DLG2: variants seen among roughly 807,000 people sequenced by gnomAD.
The protein encoded by DLG2 is discs large MAGUK scaffold protein 2.
A neutral mutation model predicts 132.5 loss-of-function variants in DLG2; 45 were observed. The observed-to-expected ratio is 0.34, with a 90% CI of 0.27 to 0.44. DLG2 has a LOEUF of 0.44. Ranked by LOEUF, DLG2 falls within the 20% of genes least tolerant of loss-of-function variation. DLG2 has a pLI of 1.00. For synonymous variants in DLG2, 424 were observed against 419.6 expected (o/e 1.01, Z -0.13); for missense variants, 1,045 against 1,196.9 (o/e 0.87, Z 1.87).
At chr11:83,936,745 T>C (rs951769502) in intron 14 of DLG2, among the ~76,000 whole-genome samples, 1 of 152,134 alleles carries the variant, frequency 6.6e-6, no homozygotes, top group African/African-American at 2.4e-5. Context: ...CTCACGGCAG[T>C]GGGTTGTAAA....
intron 3 of DLG2, among the ~76,000 whole-genome samples, chr11:85,421,243 C>G (rs1043096953): frequency 1.3e-5 from 2 of 152,082 alleles, no homozygotes; most frequent in African/African-American, 2.4e-5. Context: ...CCTTGCATTT[C>G]CCTGCTTCAG....
intron 7 of DLG2, among the ~76,000 whole-genome samples, chr11:84,275,527 T>C (rs2097775989): frequency 6.6e-6 from 1 of 152,166 alleles, no homozygotes; most frequent in Admixed American, 6.5e-5. Flanking sequence ...GCTAATTGTT[T>C]TGTATTTTTA....
intron 2 of DLG2, among the ~76,000 whole-genome samples, chr11:85,616,673 TCTC>T (rs2081359268): frequency 6.6e-6 from 1 of 152,078 alleles, no homozygotes; most frequent in African/African-American, 2.4e-5. Context: ...GAAAGGGACT[TCTC>T]CTAGCCCCTT....
intron 19 of DLG2, among the ~76,000 whole-genome samples, chr11:83,557,740 G>T (rs1422586844): frequency 6.6e-6 from 1 of 152,174 alleles, no homozygotes; most frequent in African/African-American, 2.4e-5. Flanking sequence ...AAGAAAGCAG[G>T]TATTGAGTTT....
At position 84,251,243 on chromosome 11, in the gene DLG2, G is replaced by T; in HGVS notation, c.568C>A (p.Pro190Thr). 1.3e-6 allele frequency: 2 copies of T among 1,580,476 alleles called. No homozygotes were observed. The highest frequency in any genetic ancestry group is 2.3e-5 in the East Asian group (1 of 43,300). Reference protein sequence around the residue: ...IVNTDTLDTIPYVNGTEIEYE... With the variant: ...IVNTDTLDTITYVNGTEIEYE... ...GTAATGAAAAAGTTACTTACATAAG[G>T]AATTGTGTCCAAAGTATCTGTGTTG... Residue 190 changes from proline (P) to threonine (T), a missense_variant, in exon 8 of 28, where the codon CCT becomes ACT. This residue lies in a region of DLG2 where 277 missense variants were observed against 238.2 expected (regional missense o/e 1.16). Coordinates refer to ENST00000376104, the MANE Select transcript of DLG2 (RefSeq NM_001142699.3).
At chr11:84,842,903 G>A (rs928558484) in intron 6 of DLG2, among the ~76,000 whole-genome samples, 7 of 151,870 alleles carry the variant, frequency 4.6e-5, no homozygotes, top group Non-Finnish European at 1.0e-4. Context: ...AACACACACA[G>A]CAAAAATTGG....
chr11:85,394,045 A>G (rs2087053088), intron 3 of DLG2, among the ~76,000 whole-genome samples: 1 of 152,146 alleles, frequency 6.6e-6, no homozygotes, highest in African/African-American at 2.4e-5. Flanking sequence ...CTGTTCCCCA[A>G]AAAAACCTAT....
chr11:83,935,967 C>T (rs2081342091), intron 14 of DLG2, among the ~76,000 whole-genome samples: 1 of 152,110 alleles, frequency 6.6e-6, no homozygotes, highest in South Asian at 2.1e-4. Flanking sequence ...GTGCATAAAG[C>T]ACTTAGTTCA....
chr11:83,617,789 A>G (rs1413746532), intron 19 of DLG2, among the ~76,000 whole-genome samples: 67 of 152,256 alleles, frequency 4.4e-4, no homozygotes. Flanking sequence ...ACTTGTGGCC[A>G]GGAGTTAGAA....
At position 83,469,370 on chromosome 11, in the gene DLG2, G is replaced by C; in HGVS notation, c.2450C>G (p.Thr817Ser). 1 of 1,606,846 alleles carries C rather than the reference G, an allele frequency of 6.2e-7. No individual in the cohort carries two copies. The highest frequency in any genetic ancestry group is 8.5e-7 in the Non-Finnish European group (1 of 1,177,560). ...PDKFGSCVPHTTRPKRDYEVD... is the reference protein window; with the variant it reads ...PDKFGSCVPHSTRPKRDYEVD... ...CTCGTAGTCTCGCTTTGGCCTCGTA[G>C]TATCTTTATAAAACAAAAAATGATA... Residue 817 changes from threonine (T) to serine (S), a missense_variant, in exon 25 of 28, where the codon ACT (threonine) becomes AGT (serine). Around this residue, in one of 4 missense-constraint regions of DLG2, gnomAD observed 398 missense variants for 543.6 expected, o/e 0.73. Coordinates refer to ENST00000376104, the MANE Select transcript of DLG2 (RefSeq NM_001142699.3).
chr11:84,915,323 AAG>A (rs2092388822), intron 6 of DLG2, among the ~76,000 whole-genome samples: 1 of 152,236 alleles, frequency 6.6e-6, no homozygotes, highest in Admixed American at 6.5e-5. Context: ...ATAAAAAAGA[AAG>A]AAATTGTTAA....
At chr11:84,103,084 G>A (rs567904261) in intron 9 of DLG2, among the ~76,000 whole-genome samples, 2 of 152,216 alleles carry the variant, frequency 1.3e-5, no homozygotes, top group East Asian at 3.9e-4. Context: ...ATTAAAACTA[G>A]TCTACCAGCT....
intron 8 of DLG2, among the ~76,000 whole-genome samples, chr11:84,241,768 A>G (rs2097229969): frequency 6.6e-6 from 1 of 152,200 alleles, no homozygotes; most frequent in African/African-American, 2.4e-5. Flanking sequence ...ACTAGCTTTT[A>G]AAAATCTCTT....
At chr11:84,242,993 T>TTCTCTCTCTCTCTCTCTCTCTC (rs145284405) in intron 8 of DLG2, among the ~76,000 whole-genome samples, 39 of 125,086 alleles carry the variant, frequency 3.1e-4, no homozygotes, top group East Asian at 1.0e-3. Flanking sequence ...ATTAATTAGG[T>TTCTCTCTCTCTCTCTCTCTCTC]TCTCTCTCTC....
At chr11:84,647,088 C>A (rs1044655058) in intron 6 of DLG2, among the ~76,000 whole-genome samples, 12 of 151,858 alleles carry the variant, frequency 7.9e-5, no homozygotes, top group South Asian at 2.1e-4. Context: ...TTATCTAAAT[C>A]TATTGGGGAT....
chr11:83,915,817 T>C (rs1317086448), intron 15 of DLG2, among the ~76,000 whole-genome samples: 1 of 152,164 alleles, frequency 6.6e-6, no homozygotes, highest in African/African-American at 2.4e-5. Context: ...GCAACCATCA[T>C]GATGGTCAAC....
At chr11:85,500,044 G>A (rs1000379330) in intron 3 of DLG2, among the ~76,000 whole-genome samples, 1 of 152,092 alleles carries the variant, frequency 6.6e-6, no homozygotes, top group Admixed American at 6.6e-5. Flanking sequence ...CACAAGACAA[G>A]GATGCCCTCT....
At chr11:85,528,216 T>C (rs923800422) in intron 3 of DLG2, among the ~76,000 whole-genome samples, 2 of 152,252 alleles carry the variant, frequency 1.3e-5, no homozygotes, top group African/African-American at 4.8e-5. Context: ...ATTTTGGCTT[T>C]TGTCACAATT....
At chr11:84,306,405 AGGTGT>A (rs1261722962) in intron 7 of DLG2, among the ~76,000 whole-genome samples, 2 of 152,116 alleles carry the variant, frequency 1.3e-5, no homozygotes, top group Non-Finnish European at 2.9e-5. Flanking sequence ...GATGCAGGAG[AGGTGT>A]GTCAATACTA....
Sources: gnomAD v4.1 joint callset for allele counts (sites outside exome capture counted in the v4.1 genomes callset) on GRCh38, gnomAD v4.1.1 for gene constraint, gnomAD v4.1.1 regional missense constraint, MANE v1.5 for transcripts, NCBI Gene and HGNC (gene_info 2026-07-23, HGNC 2026-07-21) for gene names.